WWOX: variants seen among roughly 807,000 people sequenced by gnomAD.
WWOX encodes the protein WW domain-containing oxidoreductase.
In WWOX, 69 loss-of-function variants were observed where a neutral mutation model predicts 46.2. The ratio of observed to expected loss-of-function variants is 1.49; its 90% CI spans 1.23 to 1.82. The LOEUF is 1.82. WWOX is among the 40% of genes most tolerant of loss of function. The probability of loss-of-function intolerance (pLI) is 0.00; values close to 1 mark genes in which losing one functional copy is unlikely to be tolerated. For synonymous variants in WWOX, 359 were observed against 202.6 expected (o/e 1.77, Z -6.56); for missense variants, 919 against 542.6 (o/e 1.69, Z -6.89).
intron 4 of WWOX, among the ~76,000 whole-genome samples, chr16:78,122,665 C>T (rs550489545): frequency 1.3e-4 from 19 of 150,312 alleles, no homozygotes; most frequent in East Asian, 7.9e-4. Context: ...AGTGCAGTGG[C>T]GTGATCTCAG....
chr16:78,515,982 TC>T (rs1292088969), intron 8 of WWOX, among the ~76,000 whole-genome samples: 1 of 152,076 alleles, frequency 6.6e-6, no homozygotes, highest in Admixed American at 6.6e-5. Flanking sequence ...TCTCCTTCCA[TC>T]CCCCCTTGTC....
chr16:78,773,181 G>A (rs1343214438), intron 8 of WWOX, among the ~76,000 whole-genome samples: 1 of 152,226 alleles, frequency 6.6e-6, no homozygotes, highest in East Asian at 1.9e-4. Context: ...CGCTAGAACA[G>A]TGCCTAAACA....
At chr16:78,548,950 T>A (rs185144897) in intron 8 of WWOX, among the ~76,000 whole-genome samples, 2 of 152,198 alleles carry the variant, frequency 1.3e-5, no homozygotes, top group African/African-American at 4.8e-5. Flanking sequence ...CCCCCAAATA[T>A]AGCCCCAAAC....
At chr16:78,283,379 G>A (rs963725719) in intron 5 of WWOX, among the ~76,000 whole-genome samples, 1 of 152,124 alleles carries the variant, frequency 6.6e-6, no homozygotes, top group African/African-American at 2.4e-5. Context: ...CCCGCCCTCG[G>A]CCTCATACCT....
At chr16:78,146,035 C>G (rs537567873) in intron 4 of WWOX, 5 of 152,256 alleles carry the variant, frequency 3.3e-5, no homozygotes, top group East Asian at 1.9e-4. Flanking sequence ...AAAATCAAGT[C>G]CCCCTTGCCC....
intron 4 of WWOX, among the ~76,000 whole-genome samples, chr16:78,124,907 A>AT (rs1192330234): frequency 1.3e-5 from 2 of 152,112 alleles, no homozygotes; most frequent in African/African-American, 4.8e-5. Flanking sequence ...GAGGAAACCT[A>AT]TTTCAGTGTC....
intron 8 of WWOX, among the ~76,000 whole-genome samples, chr16:78,488,111 G>C (rs920177959): frequency 6.6e-6 from 1 of 152,160 alleles, no homozygotes; most frequent in African/African-American, 2.4e-5. Context: ...GATCTCACAG[G>C]AAACTTGGTA....
intron 1 of WWOX, among the ~76,000 whole-genome samples, chr16:78,102,070 G>A (rs1034725170): frequency 6.6e-6 from 1 of 152,100 alleles, no homozygotes; most frequent in Non-Finnish European, 1.5e-5. Flanking sequence ...ACAGGTGTGT[G>A]CCTCCACACC....
At chr16:78,287,111 A>G (rs1212925495) in intron 5 of WWOX, among the ~76,000 whole-genome samples, 1 of 152,360 alleles carries the variant, frequency 6.6e-6, no homozygotes, top group Non-Finnish European at 1.5e-5. Context: ...ATTCAGAAAA[A>G]CAATGTGAAA....
At chr16:78,261,909 A>T (rs963972537) in intron 5 of WWOX, among the ~76,000 whole-genome samples, 11 of 150,166 alleles carry the variant, frequency 7.3e-5, no homozygotes, top group African/African-American at 2.7e-4. Flanking sequence ...TGACTGTGTA[A>T]GTTAAATTTT....
chr16:78,416,299 A>G (rs1247960875), intron 6 of WWOX, among the ~76,000 whole-genome samples: 2 of 152,252 alleles, frequency 1.3e-5, no homozygotes, highest in Admixed American at 6.5e-5. Context: ...CATTTGAATA[A>G]TAAGAACCTC....
chr16:78,192,474 A>C (rs1227982262), intron 5 of WWOX, among the ~76,000 whole-genome samples: 1 of 143,688 alleles, frequency 7.0e-6, no homozygotes, highest in Admixed American at 7.2e-5. Flanking sequence ...CCTAGGTGAC[A>C]GAGTGAGACT....
At chr16:78,561,107 T>C (rs79667354) in intron 8 of WWOX, among the ~76,000 whole-genome samples, 8,754 of 152,232 alleles carry the variant, frequency 0.058, 311 homozygotes, top group Non-Finnish European at 0.082. Flanking sequence ...ATCCTTGAAG[T>C]TGTAAGACTA....
At chr16:78,750,217 A>C (rs1176836848) in intron 8 of WWOX, among the ~76,000 whole-genome samples, 2 of 152,158 alleles carry the variant, frequency 1.3e-5, no homozygotes, top group Non-Finnish European at 1.5e-5. Flanking sequence ...AGAAAAACCC[A>C]CTGCCCAGGT....
intron 4 of WWOX, among the ~76,000 whole-genome samples, chr16:78,121,444 A>G (rs1383706415): frequency 1.3e-5 from 2 of 152,200 alleles, no homozygotes; most frequent in African/African-American, 4.8e-5. Context: ...ACACTGAGAT[A>G]TTATTGGACA....
rs536949884 is a variant in WWOX at position 78,250,251 on chromosome 16, C to T, written c.516+85962C>T. On this transcript the variant is annotated intron_variant, in intron 5 of 8. Transcript: ENST00000566780. ...CTATCTGGCACATTAGCGAGAGCTC[C>T]GGAAATACCCATGCCAGGGTCACAA... Among the ~76,000 whole-genome samples the T allele has an allele frequency of 6.6e-5, 10 of 152,296 alleles. No individual in the cohort carries two copies. The South Asian group carries it at 1.2e-3, about 19-fold the overall frequency.
intron 8 of WWOX, among the ~76,000 whole-genome samples, chr16:78,829,943 GTGAGGTC>G (rs2051770559): frequency 6.6e-6 from 1 of 152,124 alleles, no homozygotes; most frequent in Admixed American, 6.6e-5. Context: ...GAAAAATGAT[GTGAGGTC>G]TGGGGCTTGC....
At chr16:78,662,775 G>A (rs930510643) in intron 8 of WWOX, among the ~76,000 whole-genome samples, 1 of 152,150 alleles carries the variant, frequency 6.6e-6, no homozygotes, top group Non-Finnish European at 1.5e-5. Context: ...ACAGTTGTTG[G>A]CAAGATGTAG....
At chr16:79,053,578 C>G (rs1174433153) in intron 8 of WWOX, among the ~76,000 whole-genome samples, 1 of 152,300 alleles carries the variant, frequency 6.6e-6, no homozygotes, top group Admixed American at 6.5e-5. Flanking sequence ...AGAATTAAAG[C>G]AACTTGGAAG....
Sources: allele counts gnomAD v4.1 joint callset (sites outside exome capture counted in the v4.1 genomes callset), GRCh38; gene constraint gnomAD v4.1.1; transcripts MANE v1.5; gene names NCBI Gene and HGNC (gene_info 2026-07-23, HGNC 2026-07-21).